CDAN1: variants seen among roughly 807,000 people sequenced by gnomAD.
CDAN1 encodes codanin-1.
CDAN1 carries 107 observed loss-of-function variants against 139.8 expected under a neutral mutation model. The observed-to-expected ratio is 0.77, with a 90% CI of 0.65 to 0.90. The LOEUF is 0.90. Among genes scored for constraint, CDAN1 ranks in the 40% least tolerant of loss-of-function variants. The pLI is 0.00. For synonymous variants in CDAN1, 776 were observed against 660.6 expected (o/e 1.17, Z -2.68); for missense variants, 1,667 against 1,575.7 (o/e 1.06, Z -0.98).
In CDAN1 at chr15:42,736,654, C is replaced by CG; in HGVS notation, c.216dup (p.Ala73ArgfsTer21). The CG allele has an allele frequency of 6.5e-7, 1 of 1,532,094 alleles. No individual in the cohort carries two copies. The highest frequency in any genetic ancestry group is 8.8e-7 in the Non-Finnish European group (1 of 1,140,496). 94.9% of individuals were successfully genotyped at this position (1,532,094 alleles called of 1,614,324 possible). Reference sequence around the variant, plus strand: ...GCTGCCGAGGCGCCCGGGGTCTTGGCGGGGGTCGGGGGCCCCTGCGGGAGG... The same window carrying CG: ...GCTGCCGAGGCGCCCGGGGTCTTGGCGGGGGGTCGGGGGCCCCTGCGGGAGG... On this transcript the variant is annotated frameshift_variant, in exon 2 of 28. Transcript: ENST00000356231. LOFTEE classifies it high-confidence loss of function.
chr15:42,731,128 C>T (rs1341804887), intron 12 of CDAN1, 57 bp from the exon 13 acceptor site: 22 of 1,614,016 alleles, frequency 1.4e-5, no homozygotes, highest in Admixed American at 3.3e-5. Context: ...GAACAATTCC[C>T]GATCTGTTAT....
chr15:42,728,221 C>G lies in CDAN1; in HGVS notation c.2851G>C (p.Glu951Gln), dbSNP rs2061558729. The G allele has an allele frequency of 6.2e-7, 1 of 1,613,816 alleles. No individual in the cohort carries two copies. Among genetic ancestry groups the G allele is most frequent in the African/African-American group, 1.3e-5 (1 of 74,942 alleles). The part of the protein sequence containing the change: ...SPGAVRALLP[E>Q]ETPAAVLSSA... ...ACACGTACGGCTGCCGGGGTCTCCT[C>G]TGGAAGCAGCGCCCGCACAGCCCCA... Residue 951 changes from glutamate to glutamine, a missense_variant, in exon 21 of 28, where the codon GAG becomes CAG. This residue lies in a region of CDAN1 where 936 missense variants were observed against 844.1 expected (regional missense o/e 1.11). Transcript: ENST00000356231.
chr15:42,733,224 C>A (rs1344470242), intron 8 of CDAN1, 38 bp from the exon 9 acceptor site: 3 of 1,541,066 alleles, frequency 1.9e-6, no homozygotes, highest in Non-Finnish European at 2.7e-6. Context: ...GAGGCACTCA[C>A]TCCCACCAGT....
intron 14 of CDAN1, 33 bp from the exon 15 acceptor site, chr15:42,730,248 G>A (rs2061591136): frequency 1.9e-6 from 3 of 1,587,360 alleles, no homozygotes; most frequent in Non-Finnish European, 2.6e-6. Context: ...ACGGGTTTGA[G>A]CAGAAAGGGG....
rs2061506929 is a variant in CDAN1 at position 42,725,185 on chromosome 15, C to CT, written c.3516dup (p.Glu1173ArgfsTer18). 6 of 1,614,254 alleles carry CT rather than the reference C, an allele frequency of 3.7e-6. No homozygotes were observed. The East Asian group carries it at 1.1e-4, about 30-fold the overall frequency. Reference sequence around the variant, plus strand: ...TGGTGGAGGCTGCCCAGGCAGGCCTCTATCTCCATCCGTCCCATCAGACCC... The same window carrying CT: ...TGGTGGAGGCTGCCCAGGCAGGCCTCTTATCTCCATCCGTCCCATCAGACCC... On this transcript the variant is annotated frameshift_variant, in exon 27 of 28. Transcript: ENST00000356231. LOFTEE classifies it high-confidence loss of function.
chr15:42,734,104 T>C, intron 7 of CDAN1, 57 bp from the exon 8 acceptor site: 1 of 1,597,072 alleles, frequency 6.3e-7, no homozygotes, highest in Middle Eastern at 1.7e-4. Context: ...AACTTCTCCC[T>C]CTTATTCTTG....
rs1323430331 is a variant in CDAN1 at position 42,728,657 on chromosome 15, C to T, written c.2799G>A (p.Gly933=). 8 of 1,614,014 alleles carry T rather than the reference C, an allele frequency of 5.0e-6. No homozygotes were observed. Among genetic ancestry groups the T allele is most frequent in the Non-Finnish European group, 6.8e-6 (8 of 1,180,042 alleles). Residue 933 remains glycine (G), a synonymous_variant, in exon 20 of 28, where the codon GGG becomes GGA. Transcript: ENST00000356231. ...CPHGAQALAL[G]REFCQRKSPG... is the part of the protein sequence containing the mutation. ...AATGGACCAGCGCTGCTTACTCCCG[C>T]CCCAGGGCCAATGCCTGGGCCCCGT...
At chr15:42,725,121 C>A in intron 27 of CDAN1, 23 bp downstream of exon 27, 1 of 1,574,472 alleles carries the variant, frequency 6.4e-7, no homozygotes. Flanking sequence ...CTCTCTCCAC[C>A]TAAAAGACAG....
Position 42,736,420 on chromosome 15 carries a change from G to C in CDAN1, c.451C>G (p.Arg151Gly), listed in dbSNP as rs758026345. The change falls in exon 2 of 28, where the codon CGG becomes GGG. Residue 151 changes from arginine to glycine, a missense_variant. This residue lies in a region of CDAN1 where 487 missense variants were observed against 422.2 expected (regional missense o/e 1.15). Transcript: ENST00000356231. ...GGGCTGCCAGAGCCCCTAAGCCTCCGGCCCCCGGCTCCGGGCAGGCTCTCC... is the reference window on the plus strand; with the variant it reads ...GGGCTGCCAGAGCCCCTAAGCCTCCCGCCCCCGGCTCCGGGCAGGCTCTCC... ...SGESLPGAGG[R>G]RLRGSGSPSR... 6.2e-6 allele frequency: 10 copies of C among 1,605,878 alleles called. No individual in the cohort carries two copies. The highest frequency in any genetic ancestry group is 8.5e-6 in the Non-Finnish European group (10 of 1,176,390).
At chr15:42,725,103 C>T in intron 27 of CDAN1, 41 bp downstream of exon 27, 1 of 1,502,440 alleles carries the variant, frequency 6.7e-7, no homozygotes, top group Non-Finnish European at 9.3e-7. Context: ...GGATATGTAA[C>T]ACCTGTTCTC....
rs947593645 is a variant in CDAN1, at chr15:42,731,558, T to C, written c.1739+62A>G. The C allele has an allele frequency of 3.8e-6, 6 of 1,573,136 alleles. No individual in the cohort carries two copies. The East Asian group carries it at 1.3e-4, about 35-fold the overall frequency. The stretch of plus-strand genomic sequence containing the variant: ...AGGAGACTGGAGAACTATTTACCCT[T>C]TTGGGAAGCCAAACCTTTCCTGGCC... On this transcript the variant is annotated intron_variant, in intron 11 of 27. Coordinates refer to ENST00000356231, the MANE Select transcript of CDAN1 (RefSeq NM_138477.4).
chr15:42,737,049 GAC>G lies in CDAN1; in HGVS notation c.52_53del (p.Val18ArgfsTer14). ...GGGTGCTGCGCGCGATCCACCGCAC[GAC>G]GGCTGCGACCGACACCTCTTCTCGC... ...LLREEVSVAAVVRWIARSTQG... is the reference protein window; with the variant it reads ...LLREEVSVAAXVRWIARSTQG... On this transcript the variant is annotated frameshift_variant, in exon 1 of 28. Transcript: ENST00000356231. LOFTEE classifies it high-confidence loss of function. 6.5e-7 allele frequency: 1 copy of G among 1,546,472 alleles called. No individual in the cohort carries two copies. The highest frequency in any genetic ancestry group is 8.7e-7 in the Non-Finnish European group (1 of 1,145,216).
At chr15:42,728,153 A>ACCTC in intron 21 of CDAN1, 51 bp downstream of exon 21, 1 of 1,602,804 alleles carries the variant, frequency 6.2e-7, no homozygotes, top group Non-Finnish European at 8.5e-7. Context: ...TACTCCGTGC[A>ACCTC]CCTCCCCACA....
At chr15:42,731,405 C>G in intron 11 of CDAN1, 74 bp from the exon 12 acceptor site, 2 of 1,598,186 alleles carry the variant, frequency 1.3e-6, no homozygotes, top group Non-Finnish European at 1.7e-6. Context: ...AAGGGGCACT[C>G]CAGAGGGAAG....
chr15:42,735,836 G>T, intron 3 of CDAN1, 39 bp downstream of exon 3: 1 of 1,609,376 alleles, frequency 6.2e-7, no homozygotes, highest in Non-Finnish European at 8.5e-7. Flanking sequence ...ATCCCCCACA[G>T]CGAGGAAACC....
chr15:42,736,163 AAAAAACCCCAC>A (rs1378119720), intron 2 of CDAN1, 85 bp from the exon 3 acceptor site: 1 of 1,570,896 alleles, frequency 6.4e-7, no homozygotes, highest in South Asian at 1.1e-5. Context: ...ACCTCTTGCC[AAAAAACCCCAC>A]AAAAACCCTC....
chr15:42,732,431 G>T, intron 9 of CDAN1, 23 bp from the exon 10 acceptor site: 2 of 1,605,934 alleles, frequency 1.2e-6, no homozygotes, highest in Non-Finnish European at 1.7e-6. Context: ...AGGCAGGAAT[G>T]AAGGGTGTGG....
intron 26 of CDAN1, 107 bp downstream of exon 26, chr15:42,725,382 G>A (rs2061510843): frequency 6.7e-7 from 1 of 1,500,748 alleles, no homozygotes; most frequent in Non-Finnish European, 9.3e-7. Context: ...ATTTCTGTGT[G>A]GAACAGGAAG....
rs774431944 is a variant in CDAN1, at chr15:42,726,375, C to CCT, written c.3137_3138dup (p.Gly1047ArgfsTer12). 2 of 1,599,498 alleles carry CCT rather than the reference C, an allele frequency of 1.3e-6. No individual in the cohort carries two copies. The highest frequency in any genetic ancestry group is 1.7e-6 in the Non-Finnish European group (2 of 1,173,262). On this transcript the variant is annotated frameshift_variant, in exon 24 of 28. Transcript: ENST00000356231. LOFTEE classifies it high-confidence loss of function. ...TGTTCCAGATGCTCTGGGGAGACTC[C>CCT]CTCGTCAGGGTCCCGTGGCCCCACG... is the stretch of plus-strand genomic sequence containing the variant.
Sources: gnomAD v4.1 joint callset for allele counts on GRCh38, gnomAD v4.1.1 for gene constraint, gnomAD v4.1.1 regional missense constraint, MANE v1.5 for transcripts, NCBI Gene and HGNC (gene_info 2026-07-23, HGNC 2026-07-21) for gene names.